C16orf87: variants seen among roughly 807,000 people sequenced by gnomAD.
C16orf87 encodes UPF0547 protein C16orf87.
In C16orf87, 13 loss-of-function variants were observed where a neutral mutation model predicts 21.0. The ratio of observed to expected loss-of-function variants is 0.62; its 90% CI spans 0.40 to 0.98. C16orf87 has a LOEUF of 0.98. Among genes scored for constraint, C16orf87 ranks in the 50% least tolerant of loss-of-function variants. The pLI is 0.00. For synonymous variants in C16orf87, 49 were observed against 60.2 expected, an observed-to-expected ratio of 0.81 and a Z score of 0.86; for missense variants, 113 against 180.4, an observed-to-expected ratio of 0.63 and a Z score of 2.14.
chr16:46,821,912 C>T (rs1407807792), intron 2 of C16orf87, among the ~76,000 whole-genome samples: 1 of 152,160 alleles, frequency 6.6e-6, no homozygotes, highest in Non-Finnish European at 1.5e-5. Flanking sequence ...CTTCATCTTT[C>T]CCCCACAGCT....
intron 2 of C16orf87, among the ~76,000 whole-genome samples, chr16:46,819,519 A>G (rs943125725): frequency 1.3e-5 from 2 of 151,396 alleles, no homozygotes; most frequent in African/African-American, 4.8e-5. Context: ...CATGTTGGCC[A>G]GGCTGGTCTC....
At chr16:46,830,307 A>AGAGAGAGGGAGAGAGAGT (rs758468161) in intron 1 of C16orf87, among the ~76,000 whole-genome samples, 2 of 109,144 alleles carry the variant, frequency 1.8e-5, no homozygotes, top group African/African-American at 3.6e-5. Flanking sequence ...AGAGAGAGAG[A>AGAGAGAGGGAGAGAGAGT]GACACACAGA....
At chr16:46,804,144 A>C (rs1364804719) in intron 3 of C16orf87, among the ~76,000 whole-genome samples, 1 of 152,076 alleles carries the variant, frequency 6.6e-6, no homozygotes, top group Non-Finnish European at 1.5e-5. Flanking sequence ...TAGTTGTATA[A>C]ATTGTTTTTC....
rs553347199 is a variant in C16orf87 at position 46,797,571 on chromosome 16, A to C, written c.*5381T>G. 6.6e-5 allele frequency: 10 copies of C among 152,204 alleles called. No individual in the cohort carries two copies. Among genetic ancestry groups the C allele is most frequent in the African/African-American group, 2.4e-4 (10 of 41,516 alleles). The allele number at this position is 152,204 out of a possible 1,614,324, so 9.4% of individuals were successfully genotyped here. ...ACCACATTGTCCAGGCTGGTCTCGA[A>C]CTCCTGGACTTAAGCAATCTGCTCG... On this transcript the variant is annotated 3_prime_UTR_variant, in exon 4 of 4. Transcript: ENST00000285697.
chr16:46,809,215 A>C (rs1287871939), intron 3 of C16orf87, among the ~76,000 whole-genome samples: 1 of 150,892 alleles, frequency 6.6e-6, no homozygotes, highest in African/African-American at 2.4e-5. Context: ...GGAGCCCTGG[A>C]GTTTAAGGCT....
rs1322270079 is a variant in C16orf87, at chr16:46,800,222, A to G, written c.*2730T>C. On this transcript the variant is annotated 3_prime_UTR_variant, in exon 4 of 4. Transcript: ENST00000285697. Reference sequence around the variant, plus strand: ...TATTTCTGAAATTTAAAGAAATAAGAATAGACTGGCTAAATTTTCAGGTCA... The same window carrying G: ...TATTTCTGAAATTTAAAGAAATAAGGATAGACTGGCTAAATTTTCAGGTCA... 2.6e-5 allele frequency: 4 copies of G among 152,226 alleles called. No individual in the cohort carries two copies. The highest frequency in any genetic ancestry group is 3.4e-3 in the Middle Eastern group (1 of 294). The allele number at this position is 152,226 out of a possible 1,614,324, so 9.4% of individuals were successfully genotyped here.
At chr16:46,821,180 T>C (rs1959399660) in intron 2 of C16orf87, among the ~76,000 whole-genome samples, 1 of 152,236 alleles carries the variant, frequency 6.6e-6, no homozygotes, top group Admixed American at 6.5e-5. Context: ...CTTACCATGC[T>C]TTGCAAATGT....
intron 3 of C16orf87, among the ~76,000 whole-genome samples, chr16:46,805,641 T>C (rs1395374417): frequency 6.6e-6 from 1 of 152,316 alleles, no homozygotes; most frequent in African/African-American, 2.4e-5. Flanking sequence ...CTTCCAGATA[T>C]CTGGGTAATT....
chr16:46,812,949 G>C (rs1380768590), intron 2 of C16orf87, among the ~76,000 whole-genome samples: 3 of 152,128 alleles, frequency 2.0e-5, no homozygotes, highest in African/African-American at 7.2e-5. Context: ...GGCTCCCCCA[G>C]TTTCTTCACC....
chr16:46,802,841 C>T lies in C16orf87; in HGVS notation c.*111G>A, dbSNP rs893498038. On this transcript the variant is annotated 3_prime_UTR_variant, in exon 4 of 4. Coordinates refer to ENST00000285697, the MANE Select transcript of C16orf87 (RefSeq NM_001001436.4). ...GGCTAAACGACAGGCGAGAAAGAAA[C>T]AATCGATGGCCCTTATTGATGCAGT... The T allele has an allele frequency of 7.2e-5, 48 of 665,926 alleles. No homozygotes were observed. Among genetic ancestry groups the T allele is most frequent in the Non-Finnish European group, 1.3e-4 (46 of 366,420 alleles). The allele number at this position is 665,926 out of a possible 1,614,324, so 41.3% of individuals were successfully genotyped here. A position where few individuals can be genotyped will look rare whatever the true frequency, so the allele number is the denominator to read the frequency against.
chr16:46,817,916 C>CAAAAA (rs1056745014), intron 2 of C16orf87, among the ~76,000 whole-genome samples: 71 of 68,274 alleles, frequency 1.0e-3, no homozygotes, highest in East Asian at 1.5e-3. Flanking sequence ...CATCAAAAAG[C>CAAAAA]AAAAAAAAAA....
At position 46,830,841 on chromosome 16, in the gene C16orf87, G is replaced by A. The variant is rs1441968254; in HGVS notation, c.66+243C>T. The A allele has an allele frequency of 8.6e-6, 3 of 346,864 alleles. No individual in the cohort carries two copies. The East Asian group carries it at 1.4e-4, about 16-fold the overall frequency. 21.5% of individuals were successfully genotyped at this position (346,864 alleles called of 1,614,324 possible). On this transcript the variant is annotated intron_variant, in intron 1 of 3. Coordinates refer to ENST00000285697, the MANE Select transcript of C16orf87 (RefSeq NM_001001436.4). The stretch of plus-strand genomic sequence containing the variant: ...AAAGGCGCGCTCCTCCAGTGGCCGG[G>A]ACACAGCAAGAAGGGGCTTGGCCGT...
At position 46,826,532 on chromosome 16, in the gene C16orf87, T is replaced by G. The variant is rs1959626583; in HGVS notation, c.67-2050A>C. On this transcript the variant is annotated intron_variant, in intron 1 of 3. Coordinates refer to ENST00000285697, the MANE Select transcript of C16orf87 (RefSeq NM_001001436.4). ...AATTTTGGCAGAATAATTCCTTTTC[T>G]TTGTATAAAAACATTGAACAAAGGA... Among the ~76,000 whole-genome samples the G allele has an allele frequency of 2.0e-5, 3 of 152,334 alleles. No homozygotes were observed. The South Asian group carries it at 6.2e-4, about 32-fold the overall frequency.
In C16orf87 at chr16:46,831,139, G is replaced by A. The variant is rs1422624502; in HGVS notation, c.11C>T (p.Thr4Ile). The A allele has an allele frequency of 1.9e-6, 3 of 1,576,616 alleles. No individual in the cohort carries two copies. Among genetic ancestry groups the A allele is most frequent in the Non-Finnish European group, 1.7e-6 (2 of 1,159,478 alleles). ...GGCCATCTTCACTTTCTTGGCTCGA[G>A]TTGCAGACATGCTCCTCTCCCTTAG... MSA[T>I]RAKKVKMATK... Residue 4 changes from threonine to isoleucine, a missense_variant, in exon 1 of 4, where the codon ACT becomes ATT. Thr to Ile is a moderately conservative substitution (Grantham distance 89). Coordinates refer to ENST00000285697, the MANE Select transcript of C16orf87 (RefSeq NM_001001436.4).
chr16:46,812,247 A>C (rs1403276709), intron 2 of C16orf87, among the ~76,000 whole-genome samples: 1 of 151,606 alleles, frequency 6.6e-6, no homozygotes, highest in Admixed American at 6.6e-5. Flanking sequence ...CTGTCTCAAT[A>C]AATAAATAAA....
In C16orf87 at chr16:46,810,057, A is replaced by G. The variant is rs144393620; in HGVS notation, c.164-272T>C. 5.3e-5 allele frequency among the ~76,000 whole-genome samples: 8 copies of G among 152,332 alleles called. No homozygotes were observed. In the East Asian group the frequency reaches 1.3e-3, roughly 26 times the overall value. On this transcript the variant is annotated intron_variant, in intron 2 of 3. Coordinates refer to ENST00000285697, the MANE Select transcript of C16orf87 (RefSeq NM_001001436.4). Reference sequence around the variant, plus strand: ...TTTGGCAGCTTAAATTTCAGCCTCTACAAGTTCACACAATTCCATAGCAAC... The same window carrying G: ...TTTGGCAGCTTAAATTTCAGCCTCTGCAAGTTCACACAATTCCATAGCAAC...
At chr16:46,819,884 G>A (rs553287215) in intron 2 of C16orf87, among the ~76,000 whole-genome samples, 11 of 152,068 alleles carry the variant, frequency 7.2e-5, no homozygotes, top group Admixed American at 6.5e-4. Context: ...TGAGACAGGA[G>A]AATGGGTTGA....
intron 2 of C16orf87, among the ~76,000 whole-genome samples, chr16:46,811,668 T>C (rs1297091888): frequency 1.3e-5 from 2 of 152,084 alleles, no homozygotes; most frequent in African/African-American, 2.4e-5. Context: ...AAGGAATATG[T>C]TAAGTGACAC....
In C16orf87 at chr16:46,799,254, G is replaced by T. The variant is rs1967705994; in HGVS notation, c.*3698C>A. The T allele has an allele frequency of 6.6e-6, 1 of 151,940 alleles. No individual in the cohort carries two copies. The highest frequency in any genetic ancestry group is 2.4e-5 in the African/African-American group (1 of 41,370). The allele number at this position is 151,940 out of a possible 1,614,324, so 9.4% of individuals were successfully genotyped here. A position where few individuals can be genotyped will look rare whatever the true frequency, so the allele number is the denominator to read the frequency against. ...CTAATATTCAAACTATAATAAATGGGTTAAGGCAGCACAAAAGAATAATTT... is the reference window on the plus strand; with the variant it reads ...CTAATATTCAAACTATAATAAATGGTTTAAGGCAGCACAAAAGAATAATTT... On this transcript the variant is annotated 3_prime_UTR_variant, in exon 4 of 4. Coordinates refer to ENST00000285697, the MANE Select transcript of C16orf87 (RefSeq NM_001001436.4).
Sources: allele counts gnomAD v4.1 joint callset (sites outside exome capture counted in the v4.1 genomes callset), GRCh38; gene constraint gnomAD v4.1.1; transcripts MANE v1.5; gene names NCBI Gene and HGNC (gene_info 2026-07-23, HGNC 2026-07-21).